DUSP16: variants seen among roughly 807,000 people sequenced by gnomAD.
The protein encoded by DUSP16 is dual specificity phosphatase 16, also known as dual specificity protein phosphatase 16.
Under a neutral mutation model 58.3 loss-of-function variants are expected in DUSP16, and 21 were observed. The ratio of observed to expected loss-of-function variants is 0.36; its 90% CI spans 0.26 to 0.52. The LOEUF is 0.52. Ranked by LOEUF, DUSP16 falls within the 20% of genes least tolerant of loss-of-function variation. DUSP16 has a pLI of 0.94. For missense variants in DUSP16, 726 were observed against 819.0 expected, an observed-to-expected ratio of 0.89 and a Z score of 1.39; for synonymous variants, 320 against 323.8, an observed-to-expected ratio of 0.99 and a Z score of 0.12.
In DUSP16 at chr12:12,521,451, C is replaced by G. The variant is rs1054348286; in HGVS notation, c.-353G>C. On this transcript the variant is annotated 5_prime_UTR_variant, in exon 2 of 7. Transcript: ENST00000298573. ...GCTCCCGCGCTCCAACAGCTTTACA[C>G]TGGACTGAAAGCCTACGCGGAGAGA... The G allele has an allele frequency of 2.7e-6, 3 of 1,123,042 alleles. No individual in the cohort carries two copies. In the African/African-American group the frequency reaches 4.8e-5, roughly 18 times the overall value. 69.6% of individuals were successfully genotyped at this position (1,123,042 alleles called of 1,614,324 possible). A position where few individuals can be genotyped will look rare whatever the true frequency, so the allele number is the denominator to read the frequency against.
intron 1 of DUSP16, among the ~76,000 whole-genome samples, chr12:12,539,202 T>C (rs546632059): frequency 6.6e-6 from 1 of 152,212 alleles, no homozygotes; most frequent in Non-Finnish European, 1.5e-5. Flanking sequence ...ACACTGTGAT[T>C]AATCTATTGC....
At chr12:12,513,851 T>TC (rs1944111621) in intron 3 of DUSP16, among the ~76,000 whole-genome samples, 2 of 152,342 alleles carry the variant, frequency 1.3e-5, no homozygotes, top group South Asian at 2.1e-4. Context: ...TTCCTTTTTT[T>TC]CACATATATT....
At position 12,476,776 on chromosome 12, in the gene DUSP16, ATTT is replaced by A; in HGVS notation, c.*54_*56del. The A allele has an allele frequency of 1.4e-6, 2 of 1,477,570 alleles. No homozygotes were observed. Among genetic ancestry groups the A allele is most frequent in the East Asian group, 2.3e-5 (1 of 44,096 alleles). The allele number at this position is 1,477,570 out of a possible 1,614,324, so 91.5% of individuals were successfully genotyped here. ...TATATATATTTCAGATTTACAGGGA[ATTT>A]TTTTGTGAACAAGAAAAAAAAATTG... On this transcript the variant is annotated 3_prime_UTR_variant, in exon 7 of 7. Coordinates refer to ENST00000298573, the MANE Select transcript of DUSP16 (RefSeq NM_030640.3).
chr12:12,560,809 T>C (rs1944887456), intron 1 of DUSP16: 1 of 152,200 alleles, frequency 6.6e-6, no homozygotes, highest in Non-Finnish European at 1.5e-5. Context: ...TGAAACAGCA[T>C]AAATCCTTTG....
At chr12:12,486,927 A>G in intron 5 of DUSP16, 101 bp downstream of exon 5, 1 of 1,394,566 alleles carries the variant, frequency 7.2e-7, no homozygotes, top group Non-Finnish European at 1.0e-6. Flanking sequence ...AATCTCTGAA[A>G]TAGGCTCCTT....
At chr12:12,561,902 C>T (rs901115863) in intron 1 of DUSP16, among the ~76,000 whole-genome samples, 2 of 150,616 alleles carry the variant, frequency 1.3e-5, no homozygotes, top group Non-Finnish European at 3.0e-5. Flanking sequence ...CCGCTTCAAA[C>T]GCTCCTGCGG....
At chr12:12,499,122 T>C (rs1410185532) in intron 4 of DUSP16, among the ~76,000 whole-genome samples, 1 of 152,178 alleles carries the variant, frequency 6.6e-6, no homozygotes, top group Non-Finnish European at 1.5e-5. Flanking sequence ...ACAAAAACTA[T>C]CTGTAACACA....
At chr12:12,516,009 C>G (rs940042177) in intron 3 of DUSP16, among the ~76,000 whole-genome samples, 9 of 151,898 alleles carry the variant, frequency 5.9e-5, no homozygotes, top group Non-Finnish European at 4.4e-5. Flanking sequence ...CTCCTGACCT[C>G]AGGTGATCCA....
chr12:12,507,414 T>A (rs1422960056), intron 3 of DUSP16, among the ~76,000 whole-genome samples: 1 of 152,134 alleles, frequency 6.6e-6, no homozygotes, highest in Non-Finnish European at 1.5e-5. Flanking sequence ...GAAGGCAGAA[T>A]CAAAGAGAAC....
intron 1 of DUSP16, chr12:12,560,781 C>A (rs903526512): frequency 6.6e-6 from 1 of 152,126 alleles, no homozygotes; most frequent in Admixed American, 6.5e-5. Flanking sequence ...CTTTAAAAAG[C>A]CCTTTTCTTG....
chr12:12,475,847 T>C lies in DUSP16; in HGVS notation c.*986A>G, dbSNP rs979023247. 1 of 152,260 alleles carries C rather than the reference T, an allele frequency of 6.6e-6. No homozygotes were observed. Among genetic ancestry groups the C allele is most frequent in the African/African-American group, 2.4e-5 (1 of 41,472 alleles). 9.4% of individuals were successfully genotyped at this position (152,260 alleles called of 1,614,324 possible). A position where few individuals can be genotyped will look rare whatever the true frequency, so the allele number is the denominator to read the frequency against. ...AAAACATCTGCTTTGGCTGAGAATT[T>C]GAAGGTGCTGCTGCTCTGCTACCAA... On this transcript the variant is annotated 3_prime_UTR_variant, in exon 7 of 7. Transcript: ENST00000298573.
intron 1 of DUSP16, among the ~76,000 whole-genome samples, chr12:12,560,029 A>G (rs1944872492): frequency 6.6e-6 from 1 of 152,180 alleles, no homozygotes. Context: ...TTACATGTCT[A>G]TTTTTATTTT....
intron 3 of DUSP16, among the ~76,000 whole-genome samples, chr12:12,502,700 C>T (rs758132056): frequency 2.0e-5 from 3 of 151,366 alleles, no homozygotes; most frequent in Non-Finnish European, 4.4e-5. Context: ...TACAGGTATG[C>T]ACCACCACCC....
At chr12:12,549,898 T>C (rs925867811) in intron 1 of DUSP16, among the ~76,000 whole-genome samples, 1 of 152,172 alleles carries the variant, frequency 6.6e-6, no homozygotes, top group Admixed American at 6.5e-5. Context: ...CTTCCACCCA[T>C]AATAGTATCT....
At chr12:12,486,702 T>A (rs1316108305) in intron 5 of DUSP16, among the ~76,000 whole-genome samples, 2 of 152,156 alleles carry the variant, frequency 1.3e-5, no homozygotes, top group Non-Finnish European at 2.9e-5. Context: ...TTGTATAGGA[T>A]TTGAAAAAGT....
intron 1 of DUSP16, chr12:12,560,734 T>C (rs1456447028): frequency 2.0e-5 from 3 of 152,236 alleles, no homozygotes; most frequent in South Asian, 2.1e-4. Flanking sequence ...ATTAATTCAA[T>C]TGGTACGAAA....
chr12:12,480,859 C>T (rs772802027), intron 5 of DUSP16, among the ~76,000 whole-genome samples: 1 of 152,146 alleles, frequency 6.6e-6, no homozygotes, highest in Non-Finnish European at 1.5e-5. Context: ...GCTGGGATTA[C>T]AGGTGTGCAG....
Position 12,477,444 on chromosome 12 carries a change from CCTT to C in DUSP16, c.1384_1386del (p.Lys462del), listed in dbSNP as rs774694391. 3.9e-5 allele frequency: 63 copies of C among 1,604,832 alleles called. No homozygotes were observed. The African/African-American group carries it at 6.2e-4, about 16-fold the overall frequency. On this transcript the variant is annotated inframe_deletion, in exon 7 of 7. Transcript: ENST00000298573. This position sits in a 1 kb window ranked among gnomAD's most constrained non-coding sequence, Gnocchi z 4.1. ...AGCTTCTTGGGGATGCTGGCTTCCT[CCTT>C]ATCAGGACTGGTTTCGGGAGTCTGC...
chr12:12,477,022 T>A lies in DUSP16; in HGVS notation c.1809A>T (p.Pro603=). ...TCCGCCGCGAGTCAGCTCTGTCACTTGGCTTCTGCCGCCTGCGCACAGAAT... is the reference window on the plus strand; with the variant it reads ...TCCGCCGCGAGTCAGCTCTGTCACTAGGCTTCTGCCGCCTGCGCACAGAAT... ...QVYSVRRRQK[P]SDRADSRRSW... is the part of the protein sequence containing the mutation. Residue 603 remains proline (P), a synonymous_variant, in exon 7 of 7, where the codon CCA becomes CCT. Coordinates refer to ENST00000298573, the MANE Select transcript of DUSP16 (RefSeq NM_030640.3). This position sits in a 1 kb window ranked among gnomAD's most constrained non-coding sequence, Gnocchi z 4.1. 6.2e-7 allele frequency: 1 copy of A among 1,614,254 alleles called. No individual in the cohort carries two copies. The highest frequency in any genetic ancestry group is 1.1e-5 in the South Asian group (1 of 91,086).
Sources: gnomAD v4.1 joint callset for allele counts (sites outside exome capture counted in the v4.1 genomes callset) on GRCh38, gnomAD v4.1.1 for gene constraint, Gnocchi (gnomAD v3.1) non-coding constraint, MANE v1.5 for transcripts, NCBI Gene and HGNC (gene_info 2026-07-23, HGNC 2026-07-21) for gene names.